RGS10: variants seen among roughly 807,000 people sequenced by gnomAD.
RGS10 encodes the protein regulator of G-protein signalling 10.
Under a neutral mutation model 23.5 loss-of-function variants are expected in RGS10, and 11 were observed. The ratio of observed to expected loss-of-function variants is 0.47; its 90% CI spans 0.29 to 0.77. RGS10 has a LOEUF of 0.77. Among genes scored for constraint, RGS10 ranks in the 30% least tolerant of loss-of-function variants. The pLI, the probability that RGS10 is intolerant of heterozygous loss-of-function variation, is 0.08. For missense variants in RGS10, 180 were observed against 226.3 expected (o/e 0.80, Z 1.31); for synonymous variants, 77 against 83.2 (o/e 0.92, Z 0.41).
chr10:119,508,126 T>C (rs1480724006), intron 4 of RGS10, among the ~76,000 whole-genome samples: 1 of 152,004 alleles, frequency 6.6e-6, no homozygotes, highest in Non-Finnish European at 1.5e-5. Context: ...GCCTCCTGAG[T>C]AGCTGAGAAT....
intron 3 of RGS10, among the ~76,000 whole-genome samples, chr10:119,520,045 C>T (rs879717297): frequency 4.3e-4 from 65 of 152,138 alleles, no homozygotes; most frequent in Non-Finnish European, 2.9e-4. Flanking sequence ...CTGGAAACTT[C>T]GATCCCCTGT....
chr10:119,528,282 C>T (rs1238253337), intron 1 of RGS10, among the ~76,000 whole-genome samples: 2 of 152,092 alleles, frequency 1.3e-5, no homozygotes, highest in African/African-American at 4.8e-5. Flanking sequence ...CCACCCACCT[C>T]GGCCTCCCAA....
At chr10:119,502,148 C>A (rs943879195) in intron 4 of RGS10, among the ~76,000 whole-genome samples, 9 of 151,246 alleles carry the variant, frequency 6.0e-5, no homozygotes, top group African/African-American at 1.7e-4. Context: ...AAAAAACAAA[C>A]TTTTTTTTAA....
chr10:119,514,762 G>A (rs994738317), intron 4 of RGS10, among the ~76,000 whole-genome samples: 2 of 151,988 alleles, frequency 1.3e-5, no homozygotes, highest in East Asian at 1.9e-4. Context: ...GTACAGGTTC[G>A]CAACCCTGGC....
chr10:119,530,902 G>A (rs780024620), intron 1 of RGS10, among the ~76,000 whole-genome samples: 9 of 152,182 alleles, frequency 5.9e-5, no homozygotes, highest in African/African-American at 1.2e-4. Flanking sequence ...AATAGAGTAC[G>A]TAAGAGAATT....
chr10:119,505,018 C>T (rs1253212826), intron 4 of RGS10, among the ~76,000 whole-genome samples: 1 of 152,160 alleles, frequency 6.6e-6, no homozygotes. Context: ...GATTTCACCT[C>T]ACCCCGGCTC....
intron 4 of RGS10, among the ~76,000 whole-genome samples, chr10:119,511,148 A>G (rs182894503): frequency 6.6e-4 from 100 of 151,974 alleles, no homozygotes; most frequent in African/African-American, 2.3e-3. Context: ...GCAGCCTTTG[A>G]CTCTAGGCTA....
At chr10:119,528,878 C>T (rs1042263555) in intron 1 of RGS10, among the ~76,000 whole-genome samples, 32 of 122,892 alleles carry the variant, frequency 2.6e-4, no homozygotes, top group Non-Finnish European at 5.1e-4. Flanking sequence ...AAATAAATAT[C>T]ATTATCCTGA....
rs141666332 is a variant in RGS10, at chr10:119,537,290, G to A, written c.49+5300C>T. Among the ~76,000 whole-genome samples the A allele has an allele frequency of 8.0e-3, 1,215 of 151,770 alleles. 24 individuals carry two copies. Among genetic ancestry groups the A allele is most frequent in the East Asian group, 0.059 (305 of 5,142 alleles). ...CCAGCTACTCAGGAGGCTGAGGCAGGAGAATGGCTTGAACCCCGGAGGTAG... is the reference window on the plus strand; with the variant it reads ...CCAGCTACTCAGGAGGCTGAGGCAGAAGAATGGCTTGAACCCCGGAGGTAG... On this transcript the variant is annotated intron_variant, in intron 1 of 4. Coordinates refer to ENST00000369103, the MANE Select transcript of RGS10 (RefSeq NM_001005339.2).
At chr10:119,513,739 C>G (rs1844104440) in intron 4 of RGS10, among the ~76,000 whole-genome samples, 1 of 152,156 alleles carries the variant, frequency 6.6e-6, no homozygotes, top group South Asian at 2.1e-4. Flanking sequence ...AGTGGGATGA[C>G]CTGCATTCAC....
intron 3 of RGS10, among the ~76,000 whole-genome samples, chr10:119,520,361 G>T (rs554590343): frequency 1.2e-4 from 18 of 152,280 alleles, no homozygotes; most frequent in Non-Finnish European, 2.2e-4. Context: ...CGAGAAGCGC[G>T]TCCGGAGACG....
At chr10:119,535,902 C>CA (rs1163786898) in intron 1 of RGS10, among the ~76,000 whole-genome samples, 1 of 152,200 alleles carries the variant, frequency 6.6e-6, no homozygotes, top group Non-Finnish European at 1.5e-5. Flanking sequence ...AGAAAGTACA[C>CA]ACCCCACAAA....
intron 1 of RGS10, among the ~76,000 whole-genome samples, chr10:119,529,900 T>C (rs1261042753): frequency 6.6e-6 from 1 of 152,022 alleles, no homozygotes; most frequent in Non-Finnish European, 1.5e-5. Context: ...GAGACCATCA[T>C]GGCCAACATG....
At chr10:119,534,924 G>A (rs1844372291) in intron 1 of RGS10, among the ~76,000 whole-genome samples, 1 of 152,166 alleles carries the variant, frequency 6.6e-6, no homozygotes, top group Admixed American at 6.6e-5. Context: ...ACTTGCAAAT[G>A]ATTTACAGTG....
intron 4 of RGS10, among the ~76,000 whole-genome samples, chr10:119,511,253 T>C (rs1398452664): frequency 6.6e-6 from 1 of 152,168 alleles, no homozygotes. Flanking sequence ...CTGAATTAAA[T>C]CAGAGAACCA....
chr10:119,519,752 TG>T (rs1844191777), intron 3 of RGS10, among the ~76,000 whole-genome samples: 1 of 140,616 alleles, frequency 7.1e-6, no homozygotes, highest in Admixed American at 7.1e-5. Flanking sequence ...CCTGTCTCCC[TG>T]TGTCTGTCTC....
Position 119,515,188 on chromosome 10 carries a change from A to C in RGS10, c.399+321T>G, listed in dbSNP as rs567000699. Reference sequence around the variant, plus strand: ...TTTCCGTCTATTCTTACCTTCAGCAATTATAGGTTGCTTTCTCAGTACAGG... The same window carrying C: ...TTTCCGTCTATTCTTACCTTCAGCACTTATAGGTTGCTTTCTCAGTACAGG... On this transcript the variant is annotated intron_variant, in intron 4 of 4. Coordinates refer to ENST00000369103, the MANE Select transcript of RGS10 (RefSeq NM_001005339.2). Among the ~76,000 whole-genome samples the C allele has an allele frequency of 2.6e-5, 4 of 152,152 alleles. No individual in the cohort carries two copies. The South Asian group carries it at 8.3e-4, about 32-fold the overall frequency.
intron 4 of RGS10, among the ~76,000 whole-genome samples, chr10:119,507,758 T>C (rs1361459015): frequency 6.6e-6 from 1 of 152,018 alleles, no homozygotes; most frequent in East Asian, 1.9e-4. Flanking sequence ...CTACTTTTTG[T>C]ATTTTTAGTA....
In RGS10 at chr10:119,527,252, T is replaced by C. The variant is rs1844285507; in HGVS notation, c.168+54A>G. 7.6e-7 allele frequency: 1 copy of C among 1,307,920 alleles called. No homozygotes were observed. Among genetic ancestry groups the C allele is most frequent in the African/African-American group, 1.4e-5 (1 of 69,212 alleles). 81.0% of individuals were successfully genotyped at this position (1,307,920 alleles called of 1,614,324 possible). A position where few individuals can be genotyped will look rare whatever the true frequency, so the allele number is the denominator to read the frequency against. On this transcript the variant is annotated intron_variant, in intron 2 of 4. Coordinates refer to ENST00000369103, the MANE Select transcript of RGS10 (RefSeq NM_001005339.2). The surrounding 1 kb of genome is among the most constrained non-coding windows in gnomAD (Gnocchi z 4.2). ...CTGGCCTATTTCTCCCCTGTGTGCA[T>C]CTGAACTTCTGCACACACTGCATCC...
Sources: allele counts gnomAD v4.1 joint callset (sites outside exome capture counted in the v4.1 genomes callset), GRCh38; gene constraint gnomAD v4.1.1; non-coding constraint Gnocchi (gnomAD v3.1); transcripts MANE v1.5; gene names NCBI Gene and HGNC (gene_info 2026-07-23, HGNC 2026-07-21).